NXPE1: variants seen among roughly 807,000 people sequenced by gnomAD.
NXPE1 encodes neurexophilin and PC-esterase domain family member 1, also known as NXPE family member 1.
NXPE1 carries 31 observed loss-of-function variants against 33.3 expected under a neutral mutation model. That is an observed-to-expected ratio of 0.93 (90% confidence interval 0.70 to 1.26). The LOEUF (loss-of-function observed/expected upper bound fraction) is 1.26. NXPE1 is among the 50% of genes most tolerant of loss of function. The pLI is 0.00. For missense variants in NXPE1, 661 were observed against 655.6 expected, an observed-to-expected ratio of 1.01 and a Z score of -0.09; for synonymous variants, 229 against 231.4, an observed-to-expected ratio of 0.99 and a Z score of 0.09.
At chr11:114,542,319 G>A (rs1484613674) in intron 5 of NXPE1, among the ~76,000 whole-genome samples, 1 of 152,132 alleles carries the variant, frequency 6.6e-6, no homozygotes, top group Non-Finnish European at 1.5e-5. Flanking sequence ...TCACAGGCAA[G>A]TTCTAATGAA....
At chr11:114,519,678 C>T (rs1016716520), downstream of NXPE1, among the ~76,000 whole-genome samples, 5 of 151,912 alleles carry the variant, frequency 3.3e-5, no homozygotes, top group Admixed American at 6.6e-5. Flanking sequence ...GAAGGAGCAG[C>T]GTGTAGAGTG....
downstream of NXPE1, among the ~76,000 whole-genome samples, chr11:114,519,384 C>T (rs9326244): frequency 0.23 from 34,833 of 152,040 alleles, 5,665 homozygotes; most frequent in African/African-American, 0.45. Context: ...TAAAACCTCT[C>T]TCTAAAGAGA....
chr11:114,556,269 T>C (rs10891699), intron 1 of NXPE1, among the ~76,000 whole-genome samples: 32,541 of 152,104 alleles, frequency 0.21, 4,720 homozygotes, highest in African/African-American at 0.4. Flanking sequence ...ACGTTCCTCC[T>C]TTTTACTGGA....
chr11:114,529,336 G>A (rs888754874), intron 6 of NXPE1: 3 of 152,438 alleles, frequency 2.0e-5, no homozygotes, highest in African/African-American at 7.2e-5. Context: ...TCACAGTTCT[G>A]GGATTTGTGA....
chr11:114,520,322 G>A (rs547867429), downstream of NXPE1, among the ~76,000 whole-genome samples: 16 of 152,148 alleles, frequency 1.1e-4, no homozygotes, highest in Non-Finnish European at 2.1e-4. Context: ...TAGTTTTTAA[G>A]TTCCATATAT....
chr11:114,550,386 A>G (rs1478529475), intron 5 of NXPE1, among the ~76,000 whole-genome samples: 1 of 152,182 alleles, frequency 6.6e-6, no homozygotes, highest in African/African-American at 2.4e-5. Flanking sequence ...TAAAAAGACA[A>G]TGTAACAGAA....
intron 5 of NXPE1, among the ~76,000 whole-genome samples, chr11:114,540,266 A>C (rs1205463026): frequency 6.6e-6 from 1 of 152,182 alleles, no homozygotes; most frequent in African/African-American, 2.4e-5. Flanking sequence ...AATAAATCCA[A>C]TTTGTTTAGG....
chr11:114,539,685 A>G (rs1948008777), intron 5 of NXPE1, among the ~76,000 whole-genome samples: 1 of 152,180 alleles, frequency 6.6e-6, no homozygotes, highest in Non-Finnish European at 1.5e-5. Flanking sequence ...GAATATAATC[A>G]TTTATAAAGA....
intron 7 of NXPE1, among the ~76,000 whole-genome samples, chr11:114,523,510 T>G (rs1464377541): frequency 6.6e-6 from 1 of 152,204 alleles, no homozygotes; most frequent in Non-Finnish European, 1.5e-5. Flanking sequence ...TCTTAATTTT[T>G]CCGTGTTCAA....
chr11:114,532,693 TTC>T (rs1432101798), intron 5 of NXPE1, among the ~76,000 whole-genome samples: 2 of 152,160 alleles, frequency 1.3e-5, no homozygotes, highest in African/African-American at 4.8e-5. Flanking sequence ...GACTTTTAAA[TTC>T]TCTGTCTCTT....
At chr11:114,536,863 G>A (rs1192091683) in intron 5 of NXPE1, among the ~76,000 whole-genome samples, 1 of 152,202 alleles carries the variant, frequency 6.6e-6, no homozygotes, top group Non-Finnish European at 1.5e-5. Flanking sequence ...ACAAAGAGGA[G>A]CTGGTACTAT....
intron 1 of NXPE1, among the ~76,000 whole-genome samples, chr11:114,556,431 G>T (rs771325025): frequency 1.3e-5 from 2 of 152,090 alleles, no homozygotes; most frequent in Non-Finnish European, 2.9e-5. Context: ...AGATTTCAGG[G>T]CTTTTTCTTC....
intron 5 of NXPE1, among the ~76,000 whole-genome samples, chr11:114,538,247 T>G (rs1235619506): frequency 1.3e-5 from 2 of 152,226 alleles, no homozygotes; most frequent in Non-Finnish European, 2.9e-5. Context: ...TGAAACTGGA[T>G]GCCTTCCTTA....
In NXPE1 at chr11:114,530,857, C is replaced by A. The variant is rs145902366; in HGVS notation, c.151G>T (p.Ala51Ser). ...GATGTTTTAGGGAATAAGGACTTTG[C>A]GGAGTTGTTCCAGTAATGGACAGAG... Residue 51 changes from alanine (A) to serine (S), a missense_variant, in exon 6 of 9, where the codon GCA becomes TCA. Coordinates refer to ENST00000534921, the Ensembl canonical transcript of NXPE1. The A allele has an allele frequency of 3.4e-5, 55 of 1,613,594 alleles. No homozygotes were observed. The East Asian group carries it at 1.1e-3, about 33-fold the overall frequency.
At chr11:114,545,197 G>T (rs899889898) in intron 5 of NXPE1, among the ~76,000 whole-genome samples, 1 of 152,116 alleles carries the variant, frequency 6.6e-6, no homozygotes, top group African/African-American at 2.4e-5. Flanking sequence ...ATTCAATATA[G>T]CAGTTTTTCT....
chr11:114,522,035 T>C (rs951930516), exon 9 of NXPE1: 6 of 1,613,970 alleles, frequency 3.7e-6, no homozygotes, highest in Non-Finnish European at 5.1e-6. Context: ...GTGGATAGTG[T>C]CAGTGCCATA....
intron 7 of NXPE1, among the ~76,000 whole-genome samples, chr11:114,525,927 C>T (rs1183300669): frequency 6.6e-6 from 1 of 152,196 alleles, no homozygotes; most frequent in Non-Finnish European, 1.5e-5. Flanking sequence ...TCTCCTGTCC[C>T]TTAATTCCCA....
At chr11:114,529,067 T>C (rs940525811) in intron 6 of NXPE1, 1 of 376,936 alleles carries the variant, frequency 2.7e-6, no homozygotes, top group African/African-American at 2.1e-5. Flanking sequence ...GTTTGGTGCC[T>C]ACTCTTAGCA....
At chr11:114,532,357 T>C (rs1184366097) in intron 5 of NXPE1, among the ~76,000 whole-genome samples, 7 of 151,852 alleles carry the variant, frequency 4.6e-5, no homozygotes, top group Non-Finnish European at 8.8e-5. Flanking sequence ...ACCTTTTGGT[T>C]CTCTGGAAAA....
Sources: allele counts gnomAD v4.1 joint callset (sites outside exome capture counted in the v4.1 genomes callset), GRCh38; gene constraint gnomAD v4.1.1; transcripts MANE v1.5; gene names NCBI Gene and HGNC (gene_info 2026-07-23, HGNC 2026-07-21).